Variants in EPM2A observed in about 807,000 individuals in gnomAD.
The protein encoded by EPM2A is laforin.
EPM2A carries 21 observed loss-of-function variants against 26.5 expected under a neutral mutation model. That is an observed-to-expected ratio of 0.79 (90% CI 0.56 to 1.14). The LOEUF is 1.14. Ranked by LOEUF, EPM2A falls within the 50% of genes most tolerant of loss-of-function variation. The probability of loss-of-function intolerance (pLI) is 0.00; values close to 1 mark genes in which losing one functional copy is unlikely to be tolerated. For missense variants in EPM2A, 458 were observed against 440.8 expected (o/e 1.04, Z -0.35); for synonymous variants, 217 against 177.6 (o/e 1.22, Z -1.76).
At chr6:145,493,470 GC>G (rs1192026107) in intron 4 of EPM2A, among the ~76,000 whole-genome samples, 1 of 152,154 alleles carries the variant, frequency 6.6e-6, no homozygotes, top group African/African-American at 2.4e-5. Context: ...CTATTTGAAT[GC>G]CCTTTATTTC....
intron 2 of EPM2A, among the ~76,000 whole-genome samples, chr6:145,590,304 T>G (rs978246196): frequency 6.6e-6 from 1 of 152,054 alleles, no homozygotes; most frequent in African/African-American, 2.4e-5. Flanking sequence ...AGTAGCCATT[T>G]TTAAATATAC....
rs539834942 is a variant in EPM2A at position 145,680,622 on chromosome 6, A to G, written c.476+5500T>C. Among the ~76,000 whole-genome samples, 264 of 150,918 alleles carry G rather than the reference A, an allele frequency of 1.7e-3. 1 individual carries two copies. Among genetic ancestry groups the G allele is most frequent in the African/African-American group, 6.1e-3 (251 of 41,038 alleles). The stretch of plus-strand genomic sequence containing the variant: ...TGTTCTCATTGTTCAATTCCCACCT[A>G]TGAGTGAGAACATGTGGTGTTTGGT... On this transcript the variant is annotated intron_variant, in intron 2 of 3. Coordinates refer to ENST00000367519, the MANE Select transcript of EPM2A (RefSeq NM_005670.4).
At chr6:145,390,416 C>T (rs962817311) in intron 4 of EPM2A, among the ~76,000 whole-genome samples, 3 of 151,882 alleles carry the variant, frequency 2.0e-5, no homozygotes, top group East Asian at 3.8e-4. Flanking sequence ...TGTAAGGTAC[C>T]CTTCATGGCA....
chr6:145,398,184 T>G (rs747742840), intron 4 of EPM2A, among the ~76,000 whole-genome samples: 4 of 152,196 alleles, frequency 2.6e-5, no homozygotes, highest in South Asian at 4.1e-4. Context: ...AAAATACTTA[T>G]GAGCTCCCTC....
intron 4 of EPM2A, among the ~76,000 whole-genome samples, chr6:145,427,497 T>C (rs1344855442): frequency 6.6e-6 from 1 of 151,894 alleles, no homozygotes; most frequent in Admixed American, 6.6e-5. Context: ...AGAGAGGTAA[T>C]AGGGGTGGAG....
At chr6:145,598,836 AC>A (rs1781381819) in intron 2 of EPM2A, among the ~76,000 whole-genome samples, 1 of 152,026 alleles carries the variant, frequency 6.6e-6, no homozygotes, top group Non-Finnish European at 1.5e-5. Flanking sequence ...CTAACAAGTT[AC>A]CCCAGAATAA....
At chr6:145,610,415 C>T (rs1414187574) in intron 2 of EPM2A, among the ~76,000 whole-genome samples, 1 of 152,156 alleles carries the variant, frequency 6.6e-6, no homozygotes, top group African/African-American at 2.4e-5. Context: ...AAGCAAAAAG[C>T]ACAAAGTAAT....
chr6:145,501,007 T>C (rs1779882094), downstream of EPM2A, among the ~76,000 whole-genome samples: 1 of 152,210 alleles, frequency 6.6e-6, no homozygotes, highest in Admixed American at 6.5e-5. Flanking sequence ...CTTTATTCCA[T>C]GTGTGTCAGT....
In EPM2A at chr6:145,609,140, T is replaced by C. The variant is rs144965227; in HGVS notation, c.340+26105A>G. Among the ~76,000 whole-genome samples, 119 of 152,346 alleles carry C rather than the reference T, an allele frequency of 7.8e-4. 1 individual carries two copies. In the East Asian group the frequency reaches 0.019, roughly 24 times the overall value. On this transcript the variant is annotated intron_variant, in intron 2 of 3. Coordinates refer to the EPM2A transcript ENST00000450221. ...AATAGTAAAATCCTGGCATGTCTAA[T>C]ACACTTGCCTTACATAATGCTCTAA...
chr6:145,469,894 T>C (rs1420172169), intron 4 of EPM2A, among the ~76,000 whole-genome samples: 1 of 152,148 alleles, frequency 6.6e-6, no homozygotes, highest in Non-Finnish European at 1.5e-5. Flanking sequence ...CTTGAGATCA[T>C]TATGTTAAGT....
At chr6:145,490,427 C>A (rs1427378550) in intron 4 of EPM2A, 11 of 766,278 alleles carry the variant, frequency 1.4e-5, no homozygotes, top group Non-Finnish European at 2.6e-5. Flanking sequence ...GCAAATCTTT[C>A]ATGACAATTT....
intron 1 of EPM2A, among the ~76,000 whole-genome samples, chr6:145,701,933 A>G (rs2128625769): frequency 6.6e-6 from 1 of 152,350 alleles, no homozygotes; most frequent in South Asian, 2.1e-4. Flanking sequence ...CGAGCAAGAA[A>G]GAGAGTACCA....
intron 2 of EPM2A, among the ~76,000 whole-genome samples, chr6:145,507,967 G>A (rs1780002213): frequency 1.3e-5 from 2 of 152,154 alleles, no homozygotes; most frequent in Non-Finnish European, 2.9e-5. Context: ...AGGAACAGGA[G>A]GGAGGTGGAC....
intron 2 of EPM2A, among the ~76,000 whole-genome samples, chr6:145,609,283 A>G (rs962459536): frequency 2.6e-5 from 4 of 152,204 alleles, no homozygotes; most frequent in African/African-American, 7.2e-5. Flanking sequence ...TCAGCCGCCA[A>G]TAATCTTGGA....
At chr6:145,533,385 G>A (rs1208605005) in intron 2 of EPM2A, among the ~76,000 whole-genome samples, 2 of 152,082 alleles carry the variant, frequency 1.3e-5, no homozygotes, top group South Asian at 2.1e-4. Context: ...TCTCCACCCA[G>A]TAGTCAAAGT....
rs559082095 is a variant in EPM2A at position 145,590,003 on chromosome 6, A to G, written c.340+45242T>C. 1.8e-3 allele frequency among the ~76,000 whole-genome samples: 270 copies of G among 152,310 alleles called. 1 individual carries two copies. Among genetic ancestry groups the G allele is most frequent in the African/African-American group, 6.2e-3 (257 of 41,578 alleles). On this transcript the variant is annotated intron_variant, in intron 2 of 3. Transcript: ENST00000450221. ...TCAGAGAATCGAGGTCATAGGGTAA[A>G]CCACCACACAAATTCTAGAAAGACA...
At chr6:145,670,974 T>A in intron 2 of EPM2A, 1 of 984,604 alleles carries the variant, frequency 1.0e-6, no homozygotes, top group South Asian at 4.7e-5. Context: ...TATGAACAAT[T>A]GTAATCTTGG....
chr6:145,416,060 T>C (rs986086379), intron 4 of EPM2A, among the ~76,000 whole-genome samples: 1 of 152,160 alleles, frequency 6.6e-6, no homozygotes, highest in Non-Finnish European at 1.5e-5. Context: ...CAGCTGCAGA[T>C]CATGAAACCA....
At chr6:145,512,223 A>AT (rs1780063883) in intron 2 of EPM2A, among the ~76,000 whole-genome samples, 1 of 152,100 alleles carries the variant, frequency 6.6e-6, no homozygotes, top group African/African-American at 2.4e-5. Context: ...TACCAATCTC[A>AT]TTTTCCACAG....
Sources: gnomAD v4.1 joint callset for allele counts (sites outside exome capture counted in the v4.1 genomes callset) on GRCh38, gnomAD v4.1.1 for gene constraint, MANE v1.5 for transcripts, NCBI Gene and HGNC (gene_info 2026-07-23, HGNC 2026-07-21) for gene names.